Variants in CHLSN observed in about 807,000 individuals in gnomAD.
CHLSN encodes the protein cholesin, also known as protein cholesin.
At chr7:1,082,044 T>A in the CHLSN span, 1 of 152,238 alleles carries the variant, frequency 6.6e-6, no homozygotes, top group Non-Finnish European at 1.5e-5. Context: ...GAGCACGCAC[T>A]CCCACACAAA....
chr7:1,107,033 G>A, the CHLSN span, among the ~76,000 whole-genome samples: 1 of 152,182 alleles, frequency 6.6e-6, no homozygotes, highest in African/African-American at 2.4e-5. Context: ...TTGCCTGCCC[G>A]CCCAGCATCA....
At chr7:982,789 C>T in the CHLSN span, among the ~76,000 whole-genome samples, 1 of 152,228 alleles carries the variant, frequency 6.6e-6, no homozygotes, top group East Asian at 1.9e-4. Flanking sequence ...CAGGGTCCCA[C>T]TCAGAGCCTG....
chr7:1,021,538 C>A, the CHLSN span: 1 of 985,436 alleles, frequency 1.0e-6, no homozygotes, highest in Non-Finnish European at 1.2e-6. Context: ...ACTGTCCATC[C>A]ACCGCACAGG....
chr7:1,134,663 T>C, the CHLSN span, among the ~76,000 whole-genome samples: 1 of 151,812 alleles, frequency 6.6e-6, no homozygotes. Context: ...GGTCAGGAGA[T>C]CGAGACCATC....
At chr7:1,016,534 CAA>C in the CHLSN span, among the ~76,000 whole-genome samples, 1 of 139,028 alleles carries the variant, frequency 7.2e-6, no homozygotes, top group African/African-American at 2.9e-5. Context: ...CACACCAGCA[CAA>C]AGCAGCGCAC....
the CHLSN span, among the ~76,000 whole-genome samples, chr7:1,128,857 A>G: frequency 1.2e-3 from 3 of 2,608 alleles, no homozygotes; most frequent in Admixed American, 6.1e-3. Context: ...GTGCAGTGGC[A>G]CGATCTCGGC....
At chr7:1,028,341 C>T in the CHLSN span, 1 of 1,018,916 alleles carries the variant, frequency 9.8e-7, no homozygotes, top group African/African-American at 1.7e-5. Context: ...CGGCCCGCGC[C>T]TCCAGCAGCC....
the CHLSN span, among the ~76,000 whole-genome samples, chr7:996,157 C>T: frequency 2.0e-5 from 3 of 152,226 alleles, no homozygotes; most frequent in Admixed American, 6.5e-5. Flanking sequence ...CCGAGGGCCA[C>T]GGCTGAGGAG....
the CHLSN span, among the ~76,000 whole-genome samples, chr7:1,068,204 A>G: frequency 6.6e-6 from 1 of 152,188 alleles, no homozygotes; most frequent in East Asian, 1.9e-4. Flanking sequence ...AGGGCCCCTC[A>G]GCGCTGCAGT....
At chr7:1,063,810 A>C in the CHLSN span, among the ~76,000 whole-genome samples, 2 of 152,148 alleles carry the variant, frequency 1.3e-5, no homozygotes, top group Non-Finnish European at 2.9e-5. Context: ...TCCTGGTTTG[A>C]TCTGAATGTG....
chr7:1,044,511 A>T, the CHLSN span: 3 of 151,762 alleles, frequency 2.0e-5, no homozygotes, highest in Non-Finnish European at 4.4e-5. Context: ...GGGGCCAGGC[A>T]TGGCTGCCGC....
chr7:1,062,792 C>T, the CHLSN span, among the ~76,000 whole-genome samples: 6 of 152,120 alleles, frequency 3.9e-5, no homozygotes, highest in Admixed American at 6.5e-5. Context: ...GCGCACGGTC[C>T]GCACTCCGTC....
At chr7:1,110,086 C>T in the CHLSN span, among the ~76,000 whole-genome samples, 54 of 152,188 alleles carry the variant, frequency 3.5e-4, no homozygotes, top group African/African-American at 1.0e-3. Context: ...CTGCCCCAAG[C>T]GCAGAGGCGA....
chr7:1,072,676 CTTTT>C, the CHLSN span, among the ~76,000 whole-genome samples: 4 of 110,310 alleles, frequency 3.6e-5, no homozygotes, highest in African/African-American at 7.6e-5. Flanking sequence ...CTTTTCTTTC[CTTTT>C]TTTTTTTTTT....
the CHLSN span, among the ~76,000 whole-genome samples, chr7:1,032,851 C>G: frequency 2.0e-5 from 3 of 152,236 alleles, no homozygotes; most frequent in Non-Finnish European, 4.4e-5. Context: ...GGCAGCGCCT[C>G]TGCCCCAAGC....
chr7:988,036 CTG>C, the CHLSN span, among the ~76,000 whole-genome samples: 1 of 149,420 alleles, frequency 6.7e-6, no homozygotes, highest in African/African-American at 2.6e-5. Flanking sequence ...GGGGTCCCCT[CTG>C]TGTGTCCTGG....
At chr7:991,245 A>G in the CHLSN span, among the ~76,000 whole-genome samples, 1 of 152,014 alleles carries the variant, frequency 6.6e-6, no homozygotes, top group Non-Finnish European at 1.5e-5. Flanking sequence ...GACAATAAAC[A>G]TAACCCCAAC....
chr7:983,042 A>G, the CHLSN span, among the ~76,000 whole-genome samples: 3 of 142,880 alleles, frequency 2.1e-5, no homozygotes, highest in African/African-American at 7.8e-5. Context: ...CATTCCACGC[A>G]GGCCTGCAGC....
At chr7:1,039,994 C>T in the CHLSN span, among the ~76,000 whole-genome samples, 623 of 112,334 alleles carry the variant, frequency 5.5e-3, 7 homozygotes, top group African/African-American at 0.02. Context: ...TAAGAGTCAT[C>T]ACCAATCCCT....
Sources: gnomAD v4.1 joint callset for allele counts (sites outside exome capture counted in the v4.1 genomes callset) on GRCh38, gnomAD v4.1.1 for gene constraint, MANE v1.5 for transcripts, NCBI Gene and HGNC (gene_info 2026-07-23, HGNC 2026-07-21) for gene names.